The following COMMD10 variants were observed in gnomAD, a reference collection of about 807,000 sequenced individuals.
The protein encoded by COMMD10 is COMM domain containing 10, also known as COMM domain-containing protein 10.
In COMMD10, 33 loss-of-function variants were observed where a neutral mutation model predicts 28.9. The ratio of observed to expected loss-of-function variants is 1.14; its 90% confidence interval spans 0.87 to 1.53. COMMD10 has a LOEUF of 1.53. Ranked by LOEUF, COMMD10 falls within the 40% of genes most tolerant of loss-of-function variation. The pLI is 0.00. For missense variants in COMMD10, 310 were observed against 233.4 expected, an observed-to-expected ratio of 1.33 and a Z score of -2.14; for synonymous variants, 110 against 81.7, an observed-to-expected ratio of 1.35 and a Z score of -1.87.
intron 5 of COMMD10, among the ~76,000 whole-genome samples, chr5:116,245,043 T>G (rs1243227148): frequency 3.9e-5 from 2 of 51,624 alleles, no homozygotes; most frequent in Admixed American, 3.0e-4. Flanking sequence ...ATCCAGGAGC[T>G]GGTTTTTTGA....
intron 5 of COMMD10, among the ~76,000 whole-genome samples, chr5:116,194,536 A>G (rs1462617057): frequency 1.3e-5 from 2 of 152,218 alleles, no homozygotes; most frequent in African/African-American, 2.4e-5. Flanking sequence ...GCTACTGTGA[A>G]CAACTTTATG....
At chr5:116,175,291 G>A (rs1462059306) in intron 5 of COMMD10, among the ~76,000 whole-genome samples, 1 of 151,956 alleles carries the variant, frequency 6.6e-6, no homozygotes, top group Admixed American at 6.6e-5. Flanking sequence ...AGCTCAGTGG[G>A]CTAGGTAGTT....
intron 5 of COMMD10, among the ~76,000 whole-genome samples, chr5:116,267,188 T>G (rs960254561): frequency 2.0e-5 from 3 of 151,774 alleles, no homozygotes; most frequent in Non-Finnish European, 2.9e-5. Context: ...GATTGTGTAT[T>G]TAGAAAACCT....
chr5:116,227,487 A>G (rs545890324), intron 5 of COMMD10, among the ~76,000 whole-genome samples: 20 of 152,094 alleles, frequency 1.3e-4, no homozygotes, highest in Non-Finnish European at 2.4e-4. Flanking sequence ...TGTTTGTTCA[A>G]TTTATACATC....
intron 4 of COMMD10, among the ~76,000 whole-genome samples, chr5:116,111,879 CTAT>C (rs1751055727): frequency 6.6e-6 from 1 of 152,182 alleles, no homozygotes. Context: ...GTGACGTCCC[CTAT>C]TATTGTTTTT....
chr5:116,122,321 G>A (rs1353936200), intron 4 of COMMD10, among the ~76,000 whole-genome samples: 1 of 151,938 alleles, frequency 6.6e-6, no homozygotes, highest in Non-Finnish European at 1.5e-5. Context: ...TGAGGCCTCT[G>A]TTCTGTTCCA....
chr5:116,279,769 A>C (rs1751020345), intron 5 of COMMD10, among the ~76,000 whole-genome samples: 1 of 151,898 alleles, frequency 6.6e-6, no homozygotes, highest in Non-Finnish European at 1.5e-5. Context: ...TTGGTGTAAC[A>C]GATACAAAGA....
At chr5:116,277,394 A>G (rs1469128647) in intron 5 of COMMD10, among the ~76,000 whole-genome samples, 1 of 151,892 alleles carries the variant, frequency 6.6e-6, no homozygotes, top group Admixed American at 6.6e-5. Flanking sequence ...AATGAACTCC[A>G]GTTTTTATCA....
intron 5 of COMMD10, among the ~76,000 whole-genome samples, chr5:116,207,680 C>CGTG (rs1748848678): frequency 6.6e-6 from 1 of 152,112 alleles, no homozygotes; most frequent in Admixed American, 6.5e-5. Context: ...CATGCATCAC[C>CGTG]ACACCCAGCT....
chr5:116,141,963 G>A (rs1752209733), intron 5 of COMMD10, among the ~76,000 whole-genome samples: 1 of 151,466 alleles, frequency 6.6e-6, no homozygotes, highest in African/African-American at 2.4e-5. Context: ...TTTTAATATT[G>A]CCTGCCTTTT....
At chr5:116,292,188 G>A (rs1314692767) in intron 6 of COMMD10, among the ~76,000 whole-genome samples, 1 of 151,316 alleles carries the variant, frequency 6.6e-6, no homozygotes. Flanking sequence ...AAAGGAAACA[G>A]CTGAAGACAC....
intron 5 of COMMD10, among the ~76,000 whole-genome samples, chr5:116,172,248 G>C (rs902203544): frequency 6.6e-6 from 1 of 151,978 alleles, no homozygotes; most frequent in Non-Finnish European, 1.5e-5. Flanking sequence ...AGGTGTGAGA[G>C]GAAAGTAAAG....
intron 5 of COMMD10, among the ~76,000 whole-genome samples, chr5:116,203,701 G>A (rs904266176): frequency 6.6e-6 from 1 of 151,908 alleles, no homozygotes; most frequent in African/African-American, 2.4e-5. Context: ...GAGAGATTTT[G>A]TCACCACCAG....
chr5:116,128,129 T>C (rs2112763802), intron 4 of COMMD10, among the ~76,000 whole-genome samples: 1 of 152,200 alleles, frequency 6.6e-6, no homozygotes, highest in South Asian at 2.1e-4. Context: ...AATTTACATT[T>C]TCTTTTCCTA....
chr5:116,187,676 C>T (rs541238816), intron 5 of COMMD10, among the ~76,000 whole-genome samples: 35 of 151,998 alleles, frequency 2.3e-4, no homozygotes, highest in Non-Finnish European at 3.8e-4. Flanking sequence ...AAATATCCAA[C>T]GGAAATTTGG....
intron 5 of COMMD10, among the ~76,000 whole-genome samples, chr5:116,267,569 G>A (rs1180503342): frequency 6.6e-6 from 1 of 151,818 alleles, no homozygotes; most frequent in African/African-American, 2.4e-5. Flanking sequence ...AGCTACCACT[G>A]ACTTTCTTCA....
intron 4 of COMMD10, among the ~76,000 whole-genome samples, chr5:116,127,775 T>A (rs13190092): frequency 6.6e-6 from 1 of 151,952 alleles, no homozygotes; most frequent in Non-Finnish European, 1.5e-5. Flanking sequence ...GGGGCCTGTC[T>A]TGTGGTGGGG....
At chr5:116,131,277 T>C (rs1751852185) in intron 4 of COMMD10, among the ~76,000 whole-genome samples, 1 of 152,018 alleles carries the variant, frequency 6.6e-6, no homozygotes, top group African/African-American at 2.4e-5. Flanking sequence ...CAGCTGCTAC[T>C]TTAGCAAACC....
intron 5 of COMMD10, among the ~76,000 whole-genome samples, chr5:116,160,801 T>C (rs925149862): frequency 1.4e-4 from 21 of 152,118 alleles, no homozygotes; most frequent in Non-Finnish European, 1.9e-4. Flanking sequence ...AGGAAGAGGA[T>C]GTAGGAGAAT....
Sources: allele counts gnomAD v4.1 joint callset (sites outside exome capture counted in the v4.1 genomes callset), GRCh38; gene constraint gnomAD v4.1.1; transcripts MANE v1.5; gene names NCBI Gene and HGNC (gene_info 2026-07-23, HGNC 2026-07-21).